The following GALNT16 variants were observed in gnomAD, a reference collection of about 807,000 sequenced individuals.
GALNT16 encodes UDP-GalNAc:polypeptide N-acetylgalactosaminyltransferase-like protein 1.
Under a neutral mutation model 76.1 loss-of-function variants are expected in GALNT16, and 40 were observed. That is an observed-to-expected ratio of 0.53 (90% confidence interval 0.41 to 0.68). The LOEUF (loss-of-function observed/expected upper bound fraction) is 0.68, where lower values mean the gene tolerates loss of function less well. GALNT16 is among the 30% of genes least tolerant of loss of function. The pLI is 0.00. For synonymous variants in GALNT16, 276 were observed against 285.2 expected (o/e 0.97, Z 0.32); for missense variants, 621 against 731.9 (o/e 0.85, Z 1.75).
At chr14:69,379,923 G>A in the GALNT16 span, among the ~76,000 whole-genome samples, 1 of 152,114 alleles carries the variant, frequency 6.6e-6, no homozygotes, top group Non-Finnish European at 1.5e-5. Flanking sequence ...AAACCTTGGA[G>A]CTATAATTAA....
At chr14:69,285,001 A>C (rs2140120971) in intron 1 of GALNT16, among the ~76,000 whole-genome samples, 1 of 151,016 alleles carries the variant, frequency 6.6e-6, no homozygotes, top group East Asian at 1.9e-4. Flanking sequence ...TGGGTCAATT[A>C]AACTTCTTTC....
intron 1 of GALNT16, among the ~76,000 whole-genome samples, chr14:69,307,284 C>T (rs531134807): frequency 3.3e-5 from 5 of 152,174 alleles, no homozygotes; most frequent in Non-Finnish European, 7.3e-5. Flanking sequence ...AAACGTACCT[C>T]GAGCAGCTAC....
chr14:69,279,727 A>G (rs2044515818), intron 1 of GALNT16, among the ~76,000 whole-genome samples: 1 of 152,228 alleles, frequency 6.6e-6, no homozygotes, highest in Admixed American at 6.5e-5. Flanking sequence ...TGCTTGGTGG[A>G]CACAGGAAGG....
intron 12 of GALNT16, among the ~76,000 whole-genome samples, chr14:69,345,561 C>T (rs575416151): frequency 6.6e-6 from 1 of 152,264 alleles, no homozygotes; most frequent in East Asian, 1.9e-4. Context: ...AAGGCACACA[C>T]GCTGTAATCC....
chr14:69,312,069 C>T, intron 1 of GALNT16, among the ~76,000 whole-genome samples: 1 of 136,642 alleles, frequency 7.3e-6, no homozygotes, highest in Non-Finnish European at 1.7e-5. Context: ...GTCTATCTAT[C>T]TATCTATCTA....
At chr14:69,346,410 C>T (rs1382558689) in intron 12 of GALNT16, among the ~76,000 whole-genome samples, 2 of 152,082 alleles carry the variant, frequency 1.3e-5, no homozygotes. Context: ...TTTTTAAGGG[C>T]TTTGAGACAC....
chr14:69,324,872 G>A (rs8022700), intron 3 of GALNT16, 82 bp downstream of exon 3: 5 of 871,722 alleles, frequency 5.7e-6, no homozygotes, highest in Non-Finnish European at 8.8e-6. Flanking sequence ...CAGACAGCTT[G>A]AAGCCCAGCA....
intron 1 of GALNT16, among the ~76,000 whole-genome samples, chr14:69,314,959 T>C (rs914534928): frequency 1.3e-4 from 20 of 152,356 alleles, no homozygotes; most frequent in Admixed American, 6.5e-4. Context: ...GGGCAACAAT[T>C]ATTTAAAATG....
At chr14:69,293,621 G>A (rs2140130951) in intron 1 of GALNT16, among the ~76,000 whole-genome samples, 1 of 152,308 alleles carries the variant, frequency 6.6e-6, no homozygotes, top group Non-Finnish European at 1.5e-5. Context: ...TCTGGCTACT[G>A]CTTGCCCTAC....
chr14:69,301,540 G>A (rs1282829061), intron 1 of GALNT16, among the ~76,000 whole-genome samples: 3 of 152,004 alleles, frequency 2.0e-5, no homozygotes, highest in African/African-American at 4.8e-5. Context: ...TTTCAGTAGA[G>A]ACAGGCTTTC....
At chr14:69,283,667 A>C (rs1410715320) in intron 1 of GALNT16, among the ~76,000 whole-genome samples, 2 of 152,202 alleles carry the variant, frequency 1.3e-5, no homozygotes, top group Non-Finnish European at 2.9e-5. Context: ...GACCTCAGGC[A>C]AGTTACTTAA....
intron 1 of GALNT16, among the ~76,000 whole-genome samples, chr14:69,282,023 G>T (rs1345922647): frequency 6.6e-6 from 1 of 152,204 alleles, no homozygotes; most frequent in Non-Finnish European, 1.5e-5. Context: ...ACATCATGGG[G>T]TTTGTCCCAG....
the GALNT16 span, among the ~76,000 whole-genome samples, chr14:69,377,804 C>CAAAAAAAAAAAAAAAAAAAAAAA: frequency 2.7e-5 from 1 of 37,478 alleles, no homozygotes; most frequent in Non-Finnish European, 4.6e-5. Flanking sequence ...GAGACTGTCT[C>CAAAAAAAAAAAAAAAAAAAAAAA]AAAAAAAAAA....
Position 69,322,925 on chromosome 14 carries a change from G to GGGTGT in GALNT16, c.336-1766_336-1765insGTGTG, listed in dbSNP as rs797021875. ...AAAAGAAAGCTGAGGTGGCTCACGG[G>GGGTGT]GTGTGTGTGTGTGTGTGTGTGTGTG... On this transcript the variant is annotated intron_variant, in intron 2 of 14. Coordinates refer to ENST00000448469, the MANE Select transcript of GALNT16 (RefSeq NM_001168368.2). Among the ~76,000 whole-genome samples the GGGTGT allele has an allele frequency of 1.0e-3, 108 of 103,820 alleles. 1 individual carries two copies. In the East Asian group the frequency reaches 0.013, roughly 12 times the overall value. 68.1% of individuals were successfully genotyped at this position (103,820 alleles called of 152,430 possible). A position where few individuals can be genotyped will look rare whatever the true frequency, so the allele number is the denominator to read the frequency against.
chr14:69,352,210 G>C lies in GALNT16; in HGVS notation c.*42G>C, dbSNP rs539825981. The stretch of plus-strand genomic sequence containing the variant: ...TCCTGTACCTTTTGCATGAGACTTC[G>C]GGACCGGAAGGGGGTTAGGGTGGGG... On this transcript the variant is annotated 3_prime_UTR_variant, in exon 15 of 15. Transcript: ENST00000448469. The C allele has an allele frequency of 2.6e-6, 4 of 1,544,380 alleles. No homozygotes were observed. Among genetic ancestry groups the C allele is most frequent in the Admixed American group, 3.9e-5 (2 of 51,466 alleles).
chr14:69,270,157 T>G (rs1032831804), intron 1 of GALNT16, among the ~76,000 whole-genome samples: 1 of 152,158 alleles, frequency 6.6e-6, no homozygotes, highest in Non-Finnish European at 1.5e-5. Context: ...GCAGACCCCC[T>G]GGAGGCTGAA....
At chr14:69,338,824 G>A in intron 10 of GALNT16, 47 bp downstream of exon 10, 1 of 1,499,636 alleles carries the variant, frequency 6.7e-7, no homozygotes, top group Admixed American at 1.8e-5. Flanking sequence ...GGACACCAAG[G>A]CCCAAGCCCC....
the GALNT16 span, among the ~76,000 whole-genome samples, chr14:69,377,881 A>T: frequency 6.6e-6 from 1 of 150,878 alleles, no homozygotes; most frequent in South Asian, 2.1e-4. Flanking sequence ...AACATTAATC[A>T]ATTTATGTAT....
intron 2 of GALNT16, among the ~76,000 whole-genome samples, 164 bp downstream of exon 2, chr14:69,321,032 T>C (rs2274442): frequency 0.16 from 24,385 of 152,292 alleles, 2,238 homozygotes; most frequent in African/African-American, 0.24. Flanking sequence ...CTGGTTTACC[T>C]GGCCTACTGA....
Sources: gnomAD v4.1 joint callset for allele counts (sites outside exome capture counted in the v4.1 genomes callset) on GRCh38, gnomAD v4.1.1 for gene constraint, MANE v1.5 for transcripts, NCBI Gene and HGNC (gene_info 2026-07-23, HGNC 2026-07-21) for gene names.